RARB: variants seen among roughly 807,000 people sequenced by gnomAD.
The protein encoded by RARB is retinoic acid receptor beta, also known as HBV-activated protein.
Under a neutral mutation model 51.9 loss-of-function variants are expected in RARB, and 17 were observed. That is an observed-to-expected ratio of 0.33 (90% CI 0.22 to 0.49). RARB has a LOEUF of 0.49. Among genes scored for constraint, RARB ranks in the 20% least tolerant of loss-of-function variants. The pLI, the probability that RARB is intolerant of heterozygous loss-of-function variation, is 0.99. For synonymous variants in RARB, 215 were observed against 195.4 expected (o/e 1.10, Z -0.84); for missense variants, 369 against 550.8 (o/e 0.67, Z 3.30).
chr3:25,353,951 C>T (rs1191855181), intron 5 of RARB, among the ~76,000 whole-genome samples: 2 of 152,018 alleles, frequency 1.3e-5, no homozygotes, highest in East Asian at 1.9e-4. Context: ...TATATTATGA[C>T]TATATGTTCA....
At chr3:25,353,347 A>C (rs1434612370) in intron 5 of RARB, among the ~76,000 whole-genome samples, 3 of 152,174 alleles carry the variant, frequency 2.0e-5, no homozygotes, top group African/African-American at 7.2e-5. Flanking sequence ...GTAGGGTGTC[A>C]GTGGAAACTT....
chr3:24,960,493 G>A (rs1453384999), intron 2 of RARB, among the ~76,000 whole-genome samples: 2 of 152,142 alleles, frequency 1.3e-5, no homozygotes, highest in Non-Finnish European at 2.9e-5. Flanking sequence ...TGTGCCTGTG[G>A]GTACTCAGAT....
chr3:25,029,166 T>C (rs1697817028), intron 2 of RARB, among the ~76,000 whole-genome samples: 1 of 152,216 alleles, frequency 6.6e-6, no homozygotes, highest in Non-Finnish European at 1.5e-5. Context: ...ACTGACAAGT[T>C]CTGCATTTTA....
At chr3:25,372,211 C>T (rs780598491) in intron 5 of RARB, among the ~76,000 whole-genome samples, 1 of 152,190 alleles carries the variant, frequency 6.6e-6, no homozygotes, top group Non-Finnish European at 1.5e-5. Context: ...GTCTTTCAGC[C>T]TTGGCACTAT....
intron 5 of RARB, among the ~76,000 whole-genome samples, chr3:25,247,104 G>C (rs948609988): frequency 1.3e-5 from 2 of 152,210 alleles, no homozygotes; most frequent in East Asian, 3.9e-4. Flanking sequence ...AACTAGCTGG[G>C]AGCTTCATTT....
intron 5 of RARB, among the ~76,000 whole-genome samples, chr3:25,349,657 A>C (rs1705499751): frequency 6.6e-6 from 1 of 152,246 alleles, no homozygotes; most frequent in African/African-American, 2.4e-5. Context: ...AAAAAATTCT[A>C]AACAAACAAA....
intron 2 of RARB, among the ~76,000 whole-genome samples, chr3:25,033,798 G>C (rs1366239762): frequency 6.6e-6 from 1 of 152,122 alleles, no homozygotes; most frequent in Non-Finnish European, 1.5e-5. Flanking sequence ...AGGCAAGTTG[G>C]CACAGTAGAA....
intron 2 of RARB, among the ~76,000 whole-genome samples, chr3:25,044,698 T>G (rs955724474): frequency 3.3e-5 from 5 of 152,210 alleles, no homozygotes; most frequent in African/African-American, 1.2e-4. Flanking sequence ...ATATTCAACT[T>G]TTTGTAGATG....
chr3:25,084,645 T>C (rs1479210694), intron 3 of RARB, among the ~76,000 whole-genome samples: 1 of 152,050 alleles, frequency 6.6e-6, no homozygotes, highest in Non-Finnish European at 1.5e-5. Context: ...TGTATGAGTT[T>C]TTCTTTTGGG....
intron 2 of RARB, among the ~76,000 whole-genome samples, chr3:24,961,386 G>A (rs1696135622): frequency 6.6e-6 from 1 of 152,174 alleles, no homozygotes; most frequent in African/African-American, 2.4e-5. Flanking sequence ...CTCCCTAACA[G>A]ACTAACGGCT....
intron 3 of RARB, among the ~76,000 whole-genome samples, chr3:25,539,417 G>A (rs946844928): frequency 1.2e-4 from 18 of 151,644 alleles, no homozygotes; most frequent in Admixed American, 3.9e-4. Context: ...CTTCTGAAAC[G>A]TCTTCCTCTA....
At chr3:25,329,507 TA>T (rs144588095) in intron 5 of RARB, among the ~76,000 whole-genome samples, 8,329 of 152,116 alleles carry the variant, frequency 0.055, 247 homozygotes, top group Middle Eastern at 0.065. Flanking sequence ...CCCACCTATA[TA>T]TCACCATCAT....
chr3:25,207,699 A>G (rs1701585107), intron 5 of RARB, among the ~76,000 whole-genome samples: 2 of 152,344 alleles, frequency 1.3e-5, no homozygotes, highest in African/African-American at 4.8e-5. Context: ...GTTCCCTAAC[A>G]TACCCCAAGT....
chr3:25,199,313 G>A (rs1701332149), intron 5 of RARB, among the ~76,000 whole-genome samples: 1 of 151,444 alleles, frequency 6.6e-6, no homozygotes, highest in Non-Finnish European at 1.5e-5. Flanking sequence ...GGTCGTTGAA[G>A]GTTGGGGGTG....
At position 24,968,106 on chromosome 3, in the gene RARB, CAGTT is replaced by C. The variant is rs375129134; in HGVS notation, c.-379-92017_-379-92014del. ...AAGAAGCTGTGTTTGGAGCATCAGC[CAGTT>C]AAAGTATTGTAATTCTTGAAAATAA... is the stretch of plus-strand genomic sequence containing the variant. On this transcript the variant is annotated intron_variant, in intron 2 of 11. Coordinates refer to the RARB transcript ENST00000383772. Among the ~76,000 whole-genome samples the C allele has an allele frequency of 1.8e-3, 280 of 152,176 alleles. 1 individual carries two copies. The highest frequency in any genetic ancestry group is 6.5e-3 in the African/African-American group (271 of 41,532).
chr3:25,440,082 T>G (rs1479965286), intron 1 of RARB, among the ~76,000 whole-genome samples: 3 of 140,080 alleles, frequency 2.1e-5, no homozygotes, highest in African/African-American at 7.4e-5. Flanking sequence ...CTTAAAGCCT[T>G]AAATAAGACA....
intron 2 of RARB, among the ~76,000 whole-genome samples, chr3:24,945,397 G>A (rs1162539956): frequency 1.3e-5 from 2 of 152,312 alleles, no homozygotes; most frequent in East Asian, 3.9e-4. Flanking sequence ...CAGTGTGTGA[G>A]AAGGCACACA....
intron 5 of RARB, among the ~76,000 whole-genome samples, chr3:25,407,384 A>G (rs1707440152): frequency 6.6e-6 from 1 of 152,212 alleles, no homozygotes; most frequent in African/African-American, 2.4e-5. Context: ...CATATTTAAG[A>G]ATAATAATCC....
chr3:24,997,719 T>C (rs1697072200), intron 2 of RARB, among the ~76,000 whole-genome samples: 1 of 152,118 alleles, frequency 6.6e-6, no homozygotes, highest in African/African-American at 2.4e-5. Flanking sequence ...TTAAACTATA[T>C]ACTGTTGATT....
Sources: allele counts gnomAD v4.1 joint callset (sites outside exome capture counted in the v4.1 genomes callset), GRCh38; gene constraint gnomAD v4.1.1; transcripts MANE v1.5; gene names NCBI Gene and HGNC (gene_info 2026-07-23, HGNC 2026-07-21).